Variants in AFF4 observed in about 807,000 individuals in gnomAD.
AFF4 encodes ALF transcription elongation factor 4, also known as AF4/FMR2 family member 4.
AFF4 carries 13 observed loss-of-function variants against 124.8 expected under a neutral mutation model. The ratio of observed to expected loss-of-function variants is 0.10; its 90% confidence interval spans 0.07 to 0.17. The LOEUF is 0.17. Among genes scored for constraint, AFF4 ranks in the 10% least tolerant of loss-of-function variants. The probability of loss-of-function intolerance (pLI) is 1.00; values close to 1 mark genes in which losing one functional copy is unlikely to be tolerated. For synonymous variants in AFF4, 477 were observed against 496.1 expected, an observed-to-expected ratio of 0.96 and a Z score of 0.51; for missense variants, 1,092 against 1,403.8, an observed-to-expected ratio of 0.78 and a Z score of 3.55.
chr5:132,881,052 G>T lies in AFF4; in HGVS notation c.*7C>A, dbSNP rs1759964440. The stretch of plus-strand genomic sequence containing the variant: ...AGAAAATCAGAGGCAACGAGAATGT[G>T]TTCAGTTCAAGATATCAACTTGGCA... On this transcript the variant is annotated 3_prime_UTR_variant, in exon 21 of 21. Transcript: ENST00000265343. 4.3e-6 allele frequency: 7 copies of T among 1,610,810 alleles called. No individual in the cohort carries two copies. Among genetic ancestry groups the T allele is most frequent in the Non-Finnish European group, 5.1e-6 (6 of 1,179,164 alleles).
chr5:132,925,440 GA>G (rs1213989931), intron 5 of AFF4, among the ~76,000 whole-genome samples: 6 of 151,852 alleles, frequency 4.0e-5, no homozygotes, highest in Non-Finnish European at 5.9e-5. Context: ...GGAAGAGAAA[GA>G]TATATTTTAT....
chr5:132,932,265 T>A lies in AFF4; in HGVS notation c.919-43A>T, dbSNP rs763077032. On this transcript the variant is annotated intron_variant, in intron 3 of 20. Coordinates refer to ENST00000265343, the MANE Select transcript of AFF4 (RefSeq NM_014423.4). ...CACACATTAGATTTTTATCAGTAGA[T>A]TTTTAGTATTTGCTTCACAGATTTA... 8.9e-5 allele frequency: 136 copies of A among 1,532,680 alleles called. 1 individual carries two copies. Among genetic ancestry groups the A allele is most frequent in the Non-Finnish European group, 1.2e-4 (133 of 1,123,248 alleles). 94.9% of individuals were successfully genotyped at this position (1,532,680 alleles called of 1,614,324 possible).
At chr5:132,940,603 A>C (rs1164585837) in intron 1 of AFF4, among the ~76,000 whole-genome samples, 1 of 152,242 alleles carries the variant, frequency 6.6e-6, no homozygotes, top group Non-Finnish European at 1.5e-5. Flanking sequence ...ATCTCTTGTA[A>C]AAATAGGTGA....
intron 1 of AFF4, among the ~76,000 whole-genome samples, chr5:132,956,776 C>G (rs12332467): frequency 0.15 from 22,464 of 151,762 alleles, 1,920 homozygotes; most frequent in Middle Eastern, 0.2. Context: ...AACCCCAGCA[C>G]TTTGGGAGGC....
chr5:132,914,151 C>G (rs553328125), intron 5 of AFF4, among the ~76,000 whole-genome samples: 1 of 151,800 alleles, frequency 6.6e-6, no homozygotes, highest in Non-Finnish European at 1.5e-5. Flanking sequence ...TCCTTTGAAC[C>G]GGTGAGGTGG....
At chr5:132,896,258 C>G in intron 11 of AFF4, 65 bp downstream of exon 11, 1 of 1,514,568 alleles carries the variant, frequency 6.6e-7, no homozygotes, top group Non-Finnish European at 8.8e-7. Context: ...TTGTGGCTTA[C>G]TGAGATTTCC....
Position 132,932,297 on chromosome 5 carries a change from T to C in AFF4, c.919-75A>G, listed in dbSNP as rs1384358014. On this transcript the variant is annotated intron_variant, in intron 3 of 20. Coordinates refer to ENST00000265343, the MANE Select transcript of AFF4 (RefSeq NM_014423.4). ...TATTTGCTTCACAGATTTAAAAACA[T>C]TATTAAAAGTATTTATGACCCCACT... 1.7e-5 allele frequency: 22 copies of C among 1,286,174 alleles called. No individual in the cohort carries two copies. In the South Asian group the frequency reaches 2.0e-4, roughly 12 times the overall value. 79.7% of individuals were successfully genotyped at this position (1,286,174 alleles called of 1,614,324 possible). A position where few individuals can be genotyped will look rare whatever the true frequency, so the allele number is the denominator to read the frequency against.
In AFF4 at chr5:132,880,149, C is replaced by A; in HGVS notation, c.*910G>T. 1 of 398,548 alleles carries A rather than the reference C, an allele frequency of 2.5e-6. No homozygotes were observed. Among genetic ancestry groups the A allele is most frequent in the South Asian group, 1.3e-4 (1 of 7,728 alleles). 24.7% of individuals were successfully genotyped at this position (398,548 alleles called of 1,614,324 possible). ...TCAGGAGTTGGATCATCCTTTTTTC[C>A]ACAGTAACTTATTCTGTTTCGATTA... On this transcript the variant is annotated 3_prime_UTR_variant, in exon 21 of 21. Coordinates refer to ENST00000265343, the MANE Select transcript of AFF4 (RefSeq NM_014423.4).
intron 17 of AFF4, among the ~76,000 whole-genome samples, 191 bp downstream of exon 17, chr5:132,887,330 G>A (rs1375813075): frequency 6.6e-6 from 1 of 152,204 alleles, no homozygotes; most frequent in East Asian, 1.9e-4. Flanking sequence ...GAGGGAAATG[G>A]ATCAGAGACT....
intron 20 of AFF4, 90 bp downstream of exon 20, chr5:132,883,250 C>T (rs1468718488): frequency 8.3e-7 from 1 of 1,209,538 alleles, no homozygotes; most frequent in Non-Finnish European, 1.2e-6. Flanking sequence ...AATAATAAAA[C>T]TAAATACAGA....
intron 1 of AFF4, among the ~76,000 whole-genome samples, chr5:132,950,032 C>G (rs1761800604): frequency 6.6e-6 from 1 of 151,072 alleles, no homozygotes; most frequent in Non-Finnish European, 1.5e-5. Context: ...CAAAAATAAA[C>G]AAATGAAAAT....
At chr5:132,892,434 T>G (rs763357368) in intron 12 of AFF4, 30 bp from the exon 13 acceptor site, 14 of 1,597,926 alleles carry the variant, frequency 8.8e-6, no homozygotes, top group Non-Finnish European at 1.2e-5. Context: ...CCTTCATTTC[T>G]CCACACAGTA....
chr5:132,893,082 G>A lies in AFF4; in HGVS notation c.2344C>T (p.Pro782Ser), dbSNP rs769097556. ...DDNRASESKK[P>S]KTEDKNSAGH... The stretch of plus-strand genomic sequence containing the variant: ...GCTGAATTCTTGTCCTCCGTTTTGG[G>A]TTTCTTGCTCTCACTGGCTCGGTTA... The change falls in exon 12 of 21, where the codon CCC (proline) becomes TCC (serine). Residue 782 changes from proline (P) to serine (S), a missense_variant. Physicochemically the swap from Pro to Ser is moderately conservative, Grantham distance 74. This residue lies in a region of AFF4 where 293 missense variants were observed against 280.2 expected (regional missense o/e 1.05). Transcript: ENST00000265343. The A allele has an allele frequency of 5.0e-6, 8 of 1,613,934 alleles. No homozygotes were observed. In the African/African-American group the frequency reaches 6.7e-5, roughly 13 times the overall value.
At chr5:132,940,504 AAAAAAT>A (rs1037904726) in intron 1 of AFF4, among the ~76,000 whole-genome samples, 37 of 152,334 alleles carry the variant, frequency 2.4e-4, no homozygotes, top group African/African-American at 7.7e-4. Context: ...CCGTCTCAAA[AAAAAAT>A]AAAAATAAAA....
intron 5 of AFF4, among the ~76,000 whole-genome samples, chr5:132,912,652 C>A (rs1420444248): frequency 1.3e-5 from 2 of 151,986 alleles, no homozygotes; most frequent in Non-Finnish European, 2.9e-5. Flanking sequence ...TGAGCCATTG[C>A]GCCCAGCCTA....
Position 132,876,227 on chromosome 5 carries a change from T to A in AFF4, c.*4832A>T. On this transcript the variant is annotated 3_prime_UTR_variant, in exon 21 of 21. Coordinates refer to ENST00000265343, the MANE Select transcript of AFF4 (RefSeq NM_014423.4). ...CCCACCCCACCCATCCCAGTACTGT[T>A]GAATGCTCATGTTAATGATTTGCCA... 1 of 227,682 alleles carries A rather than the reference T, an allele frequency of 4.4e-6. No homozygotes were observed. 14.1% of individuals were successfully genotyped at this position (227,682 alleles called of 1,614,324 possible). A position where few individuals can be genotyped will look rare whatever the true frequency, so the allele number is the denominator to read the frequency against.
chr5:132,942,571 T>C (rs1427577011), intron 1 of AFF4, among the ~76,000 whole-genome samples: 1 of 151,896 alleles, frequency 6.6e-6, no homozygotes, highest in Non-Finnish European at 1.5e-5. Context: ...TTCAAGTGAT[T>C]CTCCTACCTC....
Position 132,948,728 on chromosome 5 carries a change from C to A in AFF4, c.-4-11535G>T, listed in dbSNP as rs546899775. 4.7e-4 allele frequency: 92 copies of A among 195,856 alleles called. 1 individual carries two copies. Among genetic ancestry groups the A allele is most frequent in the Non-Finnish European group, 4.1e-4 (36 of 87,354 alleles). The allele number at this position is 195,856 out of a possible 1,614,324, so 12.1% of individuals were successfully genotyped here. On this transcript the variant is annotated intron_variant, in intron 1 of 20. Coordinates refer to ENST00000265343, the MANE Select transcript of AFF4 (RefSeq NM_014423.4). ...GCATCATTGGCCTTGAGGAAGAAGA[C>A]ATGTTTTACAGTGTTCAGTCATTGA...
chr5:132,890,132 C>T (rs1357698113), intron 13 of AFF4, among the ~76,000 whole-genome samples: 1 of 151,330 alleles, frequency 6.6e-6, no homozygotes, highest in East Asian at 1.9e-4. Flanking sequence ...TATAATTTTA[C>T]TTTACCTATT....
Sources: gnomAD v4.1 joint callset for allele counts (sites outside exome capture counted in the v4.1 genomes callset) on GRCh38, gnomAD v4.1.1 for gene constraint, gnomAD v4.1.1 regional missense constraint, MANE v1.5 for transcripts, NCBI Gene and HGNC (gene_info 2026-07-23, HGNC 2026-07-21) for gene names.